RAD21: variants seen among roughly 807,000 people sequenced by gnomAD.
The protein encoded by RAD21 is double-strand-break repair protein rad21 homolog.
Under a neutral mutation model 71.5 loss-of-function variants are expected in RAD21, and 18 were observed. The ratio of observed to expected loss-of-function variants is 0.25; its 90% CI spans 0.17 to 0.37. The LOEUF (loss-of-function observed/expected upper bound fraction) is 0.37. Among genes scored for constraint, RAD21 ranks in the 10% least tolerant of loss-of-function variants. The probability of loss-of-function intolerance (pLI) is 1.00; values close to 1 mark genes in which losing one functional copy is unlikely to be tolerated. For missense variants in RAD21, 493 were observed against 769.1 expected (o/e 0.64, Z 4.25); for synonymous variants, 248 against 254.0 (o/e 0.98, Z 0.22).
rs1369892099 is a variant in RAD21, at chr8:116,858,887, A to G, written c.375-429T>C. Among the ~76,000 whole-genome samples, 4 of 152,088 alleles carry G rather than the reference A, an allele frequency of 2.6e-5. No individual in the cohort carries two copies. In the East Asian group the frequency reaches 7.7e-4, roughly 29 times the overall value. On this transcript the variant is annotated intron_variant, in intron 4 of 13. Transcript: ENST00000297338. Reference sequence around the variant, plus strand: ...TTTAAAAATACTAAATAAAAAATAAAAAGTATGTAATGCTAAACACCAATC... The same window carrying G: ...TTTAAAAATACTAAATAAAAAATAAGAAGTATGTAATGCTAAACACCAATC...
Position 116,846,219 on chromosome 8 carries a change from G to A in RAD21, c.*1281C>T, listed in dbSNP as rs911716061. The A allele has an allele frequency of 4.3e-5, 10 of 230,802 alleles. No individual in the cohort carries two copies. Among genetic ancestry groups the A allele is most frequent in the African/African-American group, 1.3e-4 (6 of 45,172 alleles). The allele number at this position is 230,802 out of a possible 1,614,324, so 14.3% of individuals were successfully genotyped here. A position where few individuals can be genotyped will look rare whatever the true frequency, so the allele number is the denominator to read the frequency against. ...ACTGAATCATTAAAACAGTAATTAC[G>A]AGTTCACAAATTTAAAACATTTCAC... On this transcript the variant is annotated 3_prime_UTR_variant, in exon 14 of 14. Coordinates refer to ENST00000297338, the MANE Select transcript of RAD21 (RefSeq NM_006265.3).
At chr8:116,857,559 T>G (rs1812495701) in intron 5 of RAD21, 86 bp from the exon 6 acceptor site, 4 of 1,096,350 alleles carry the variant, frequency 3.6e-6, no homozygotes, top group Middle Eastern at 5.7e-4. Flanking sequence ...TTATTCTAAT[T>G]ATGTCACATT....
intron 1 of RAD21, chr8:116,866,992 G>T: frequency 3.5e-6 from 1 of 283,574 alleles, no homozygotes; most frequent in South Asian, 1.2e-4. Context: ...AAAGTAAAAG[G>T]GACAAGAGTC....
intron 1 of RAD21, among the ~76,000 whole-genome samples, chr8:116,870,718 T>A (rs186463168): frequency 1.4e-3 from 214 of 152,292 alleles, no homozygotes; most frequent in African/African-American, 5.0e-3. Context: ...AGCAACTGTA[T>A]CCTAAACAAA....
chr8:116,851,877 C>T, intron 11 of RAD21, 71 bp downstream of exon 11: 1 of 1,480,794 alleles, frequency 6.8e-7, no homozygotes, highest in Non-Finnish European at 9.2e-7. Context: ...TAAAAGGCCT[C>T]CCTAAATACC....
chr8:116,856,039 C>T (rs1586267314), intron 8 of RAD21, 127 bp downstream of exon 8: 1 of 1,167,214 alleles, frequency 8.6e-7, no homozygotes, highest in Non-Finnish European at 1.2e-6. Flanking sequence ...GTAGACAGGC[C>T]AAAAAAACAG....
rs1812271517 is a variant in RAD21 at position 116,847,511 on chromosome 8, G to A, written c.1885C>T (p.His629Tyr). The A allele has an allele frequency of 6.8e-6, 11 of 1,608,986 alleles. No homozygotes were observed. The highest frequency in any genetic ancestry group is 1.3e-5 in the African/African-American group (1 of 74,480). The change falls in exon 14 of 14, where the codon CAT (histidine) becomes TAT (tyrosine). Residue 629 changes from histidine to tyrosine, a missense_variant. By Grantham distance (83) the His-to-Tyr change is moderately conservative. Transcript: ENST00000297338. Reference sequence around the variant, plus strand: ...ATGCTTCTAGCTCCTTATATAATATGGAACCTTGGTCCAGGTGTTGCGATG... The same window carrying A: ...ATGCTTCTAGCTCCTTATATAATATAGAACCTTGGTCCAGGTGTTGCGATG... ...DIIATPGPRF[H>Y]II is the part of the protein sequence containing the mutation.
rs756630510 is a variant in RAD21 at position 116,852,729 on chromosome 8, A to G, written c.1162-21T>C. ...AAGAGCTATTAAAAAAAAAAAAAAG[A>G]AAAATTTCAATTATAAAATAAATCT... On this transcript the variant is annotated intron_variant, in intron 9 of 13. Transcript: ENST00000297338. The G allele has an allele frequency of 3.5e-6, 5 of 1,422,528 alleles. No individual in the cohort carries two copies. The South Asian group carries it at 8.1e-5, about 23-fold the overall frequency. 88.1% of individuals were successfully genotyped at this position (1,422,528 alleles called of 1,614,324 possible).
In RAD21 at chr8:116,866,667, G is replaced by A. The variant is rs1028917018; in HGVS notation, c.63C>T (p.Ala21=). ...CTTTGGTTAGCTTCTTATCCCAATG[G>A]GCCGCTAGCCAAATTTTGGCCAGAG... ...RGPLAKIWLA[A]HWDKKLTKAH... The change falls in exon 2 of 14, where the codon GCC becomes GCT. Residue 21 remains alanine, a synonymous_variant. Coordinates refer to ENST00000297338, the MANE Select transcript of RAD21 (RefSeq NM_006265.3). The A allele has an allele frequency of 6.2e-7, 1 of 1,613,220 alleles. No homozygotes were observed. The highest frequency in any genetic ancestry group is 8.5e-7 in the Non-Finnish European group (1 of 1,179,644).
chr8:116,846,436 T>C lies in RAD21; in HGVS notation c.*1064A>G. The C allele has an allele frequency of 4.4e-6, 1 of 227,012 alleles. No individual in the cohort carries two copies. The highest frequency in any genetic ancestry group is 1.8e-4 in the South Asian group (1 of 5,462). The allele number at this position is 227,012 out of a possible 1,614,324, so 14.1% of individuals were successfully genotyped here. ...GTCTGTTAATAATAAAGTCTTTATT[T>C]GGATGTATTTTTCTTCAATTAAATT... is the stretch of plus-strand genomic sequence containing the variant. On this transcript the variant is annotated 3_prime_UTR_variant, in exon 14 of 14. Coordinates refer to ENST00000297338, the MANE Select transcript of RAD21 (RefSeq NM_006265.3).
intron 9 of RAD21, among the ~76,000 whole-genome samples, chr8:116,853,204 G>A (rs1041999006): frequency 1.3e-5 from 2 of 151,978 alleles, no homozygotes; most frequent in African/African-American, 2.4e-5. Flanking sequence ...TCAGCCTCCT[G>A]AGTAGCTGGG....
At chr8:116,872,097 A>C (rs1812834901) in intron 1 of RAD21, among the ~76,000 whole-genome samples, 1 of 152,234 alleles carries the variant, frequency 6.6e-6, no homozygotes, top group Non-Finnish European at 1.5e-5. Flanking sequence ...ATAATAAAAA[A>C]TACTACTAAT....
intron 3 of RAD21, among the ~76,000 whole-genome samples, chr8:116,862,310 A>C (rs1812607068): frequency 6.6e-6 from 1 of 152,074 alleles, no homozygotes; most frequent in African/African-American, 2.4e-5. Context: ...ACACAATTTT[A>C]ATTTTCTTTA....
In RAD21 at chr8:116,861,855, T is replaced by C; in HGVS notation, c.360A>G (p.Pro120=). The change falls in exon 4 of 14, where the codon CCA becomes CCG. Residue 120 remains proline (P), a synonymous_variant. Coordinates refer to ENST00000297338, the MANE Select transcript of RAD21 (RefSeq NM_006265.3). The stretch of plus-strand genomic sequence containing the variant: ...AAGACACATACTCTAAGTCAGGCAG[T>C]GGCTGATCAAAGTCATGAAATTCTT... ...LPEEFHDFDQ[P]LPDLDDIDVA... 6.2e-7 allele frequency: 1 copy of C among 1,610,194 alleles called. No homozygotes were observed. The highest frequency in any genetic ancestry group is 8.5e-7 in the Non-Finnish European group (1 of 1,176,936).
Position 116,856,178 on chromosome 8 carries a change from T to C in RAD21, c.925A>G (p.Ile309Val), listed in dbSNP as rs1812459300. 2 of 1,608,478 alleles carry C rather than the reference T, an allele frequency of 1.2e-6. No individual in the cohort carries two copies. Among genetic ancestry groups the C allele is most frequent in the African/African-American group, 1.3e-5 (1 of 74,106 alleles). Residue 309 changes from isoleucine (I) to valine (V), a missense_variant, in exon 8 of 14, where the codon ATT becomes GTT. Ile to Val is a conservative substitution (Grantham distance 29). This residue lies in a region of RAD21 where 42 missense variants were observed against 117.2 expected (regional missense o/e 0.36). Transcript: ENST00000297338. Reference sequence around the variant, plus strand: ...TTCATATGCTTACCAGTTATATCAATAGGCTCCAATGCAAATGCTTCTTCC... The same window carrying C: ...TTCATATGCTTACCAGTTATATCAACAGGCTCCAATGCAAATGCTTCTTCC... ...NEEEAFALEP[I>V]DITVKETKAK...
At chr8:116,856,516 A>C in intron 7 of RAD21, 130 bp downstream of exon 7, 4 of 1,271,380 alleles carry the variant, frequency 3.1e-6, no homozygotes, top group Non-Finnish European at 3.1e-6. Flanking sequence ...ACCAGTAATC[A>C]TAAGCACTGT....
chr8:116,856,315 A>G (rs948035224), intron 7 of RAD21, 27 bp from the exon 8 acceptor site: 2 of 1,376,662 alleles, frequency 1.5e-6, no homozygotes, highest in Non-Finnish European at 1.9e-6. Flanking sequence ...AAAAAAAAAA[A>G]GTCACAAAAA....
Position 116,856,756 on chromosome 8 carries a change from C to A in RAD21, c.704G>T (p.Ser235Ile). The change falls in exon 7 of 14, where the codon AGT (serine) becomes ATT (isoleucine). Residue 235 changes from serine (S) to isoleucine (I), a missense_variant. Transcript: ENST00000297338. ...ATCAAAGATACCGCCATCATTATTA[C>A]TAATAAGTTTGTCATCTGAAATAGG... is the stretch of plus-strand genomic sequence containing the variant. ...DGGILDDKLI[S>I]NNDGGIFDDP... 6.5e-7 allele frequency: 1 copy of A among 1,528,394 alleles called. No individual in the cohort carries two copies. Among genetic ancestry groups the A allele is most frequent in the Non-Finnish European group, 8.8e-7 (1 of 1,135,626 alleles). The allele number at this position is 1,528,394 out of a possible 1,614,324, so 94.7% of individuals were successfully genotyped here. A position where few individuals can be genotyped will look rare whatever the true frequency, so the allele number is the denominator to read the frequency against.
intron 1 of RAD21, 159 bp from the exon 2 acceptor site, chr8:116,866,920 C>A: frequency 6.7e-6 from 3 of 447,124 alleles, no homozygotes; most frequent in Non-Finnish European, 1.1e-5. Flanking sequence ...AGATTTAAAA[C>A]AAATCTATTG....
Sources: gnomAD v4.1 joint callset for allele counts (sites outside exome capture counted in the v4.1 genomes callset) on GRCh38, gnomAD v4.1.1 for gene constraint, gnomAD v4.1.1 regional missense constraint, MANE v1.5 for transcripts, NCBI Gene and HGNC (gene_info 2026-07-23, HGNC 2026-07-21) for gene names.